AK8: variants seen among roughly 807,000 people sequenced by gnomAD.
AK8 encodes the protein ATP-AMP transphosphorylase 8.
In AK8, 44 loss-of-function variants were observed where a neutral mutation model predicts 54.6. The ratio of observed to expected loss-of-function variants is 0.81; its 90% confidence interval spans 0.63 to 1.04. The LOEUF (loss-of-function observed/expected upper bound fraction) is 1.04. AK8 is among the 50% of genes least tolerant of loss of function. AK8 has a pLI of 0.00. For synonymous variants in AK8, 239 were observed against 245.6 expected, an observed-to-expected ratio of 0.97 and a Z score of 0.25; for missense variants, 555 against 613.6, an observed-to-expected ratio of 0.90 and a Z score of 1.01.
intron 11 of AK8, among the ~76,000 whole-genome samples, chr9:132,738,546 T>C (rs931286965): frequency 5.3e-5 from 8 of 152,112 alleles, no homozygotes; most frequent in Admixed American, 1.3e-4. Flanking sequence ...ATGCAAATAA[T>C]ACTTTGTTCA....
intron 11 of AK8, among the ~76,000 whole-genome samples, chr9:132,730,092 G>A (rs1284695123): frequency 6.6e-6 from 1 of 152,150 alleles, no homozygotes; most frequent in African/African-American, 2.4e-5. Context: ...ACTAAATATG[G>A]TTTCAGGAGG....
chr9:132,828,763 G>A (rs1841984938), intron 5 of AK8, 37 bp from the exon 6 acceptor site: 1 of 1,517,732 alleles, frequency 6.6e-7, no homozygotes, highest in Non-Finnish European at 9.0e-7. Flanking sequence ...CATCTGTTTT[G>A]AGTTTTAGAT....
intron 11 of AK8, among the ~76,000 whole-genome samples, chr9:132,741,079 G>T (rs1019747483): frequency 1.3e-5 from 2 of 152,100 alleles, no homozygotes; most frequent in African/African-American, 4.8e-5. Context: ...TTTCCTGGGG[G>T]CACCCTGGGC....
rs1843342749 is a variant in AK8 at position 132,860,484 on chromosome 9, A to C, written c.333+3181T>G. ...GCGGACTCGAACGCAGGTAGAGGACAGGGAGAGTTCTAGAGGAAAAGGGAA... is the reference window on the plus strand; with the variant it reads ...GCGGACTCGAACGCAGGTAGAGGACCGGGAGAGTTCTAGAGGAAAAGGGAA... On this transcript the variant is annotated intron_variant, in intron 4 of 12. Transcript: ENST00000298545. The surrounding 1 kb of genome is among the most constrained non-coding windows in gnomAD (Gnocchi z 4.4). Among the ~76,000 whole-genome samples, 1 of 152,196 alleles carries C rather than the reference A, an allele frequency of 6.6e-6. No homozygotes were observed. The highest frequency in any genetic ancestry group is 1.5e-5 in the Non-Finnish European group (1 of 68,026).
rs1840003915 is a variant in AK8, at chr9:132,792,809, G to A, written c.980-34C>T. 4 of 1,542,394 alleles carry A rather than the reference G, an allele frequency of 2.6e-6. No homozygotes were observed. The South Asian group carries it at 4.8e-5, about 19-fold the overall frequency. On this transcript the variant is annotated intron_variant, in intron 10 of 12. Coordinates refer to ENST00000298545, the MANE Select transcript of AK8 (RefSeq NM_152572.3). ...AAGGGGGGCAAGTGAGTACCCTGCT[G>A]GCCGGCAGCCCATGGGTCCTGGGCT... is the stretch of plus-strand genomic sequence containing the variant.
Position 132,725,746 on chromosome 9 carries a change from G to GTGTA in AK8, c.1378_1381dup (p.Thr461IlefsTer13), listed in dbSNP as rs779703089. 1 of 1,593,608 alleles carries GTGTA rather than the reference G, an allele frequency of 6.3e-7. No individual in the cohort carries two copies. The highest frequency in any genetic ancestry group is 8.5e-7 in the Non-Finnish European group (1 of 1,170,234). On this transcript the variant is annotated frameshift_variant, in exon 13 of 13. Coordinates refer to ENST00000298545, the MANE Select transcript of AK8 (RefSeq NM_152572.3). LOFTEE classifies it high-confidence loss of function. ...CCCACTCTCGATGTATTCGAAGACTGTGTATGGGTCCTGGTCCCCATTGAG... is the reference window on the plus strand; with the variant it reads ...CCCACTCTCGATGTATTCGAAGACTGTGTATGTATGGGTCCTGGTCCCCATTGAG...
At chr9:132,778,579 C>CT (rs1381240471) in intron 11 of AK8, among the ~76,000 whole-genome samples, 1 of 152,098 alleles carries the variant, frequency 6.6e-6, no homozygotes, top group African/African-American at 2.4e-5. Flanking sequence ...TTACAGCATC[C>CT]TTCTCACTTT....
chr9:132,750,671 C>T (rs879315287), intron 11 of AK8, among the ~76,000 whole-genome samples: 5 of 151,982 alleles, frequency 3.3e-5, no homozygotes, highest in Admixed American at 2.0e-4. Flanking sequence ...AGGACTCCAT[C>T]CGGTGAATCC....
intron 11 of AK8, among the ~76,000 whole-genome samples, chr9:132,773,203 C>T (rs941145087): frequency 6.6e-6 from 1 of 152,172 alleles, no homozygotes; most frequent in Non-Finnish European, 1.5e-5. Context: ...TAACTCAGGG[C>T]CTTTGCACTG....
chr9:132,772,667 C>G (rs1274582020), intron 11 of AK8, among the ~76,000 whole-genome samples: 2 of 152,192 alleles, frequency 1.3e-5, no homozygotes, highest in Non-Finnish European at 2.9e-5. Context: ...GCTTATCATG[C>G]CCAAAACTGA....
At chr9:132,755,854 G>A (rs780497867) in intron 11 of AK8, among the ~76,000 whole-genome samples, 2 of 151,046 alleles carry the variant, frequency 1.3e-5, no homozygotes, top group African/African-American at 2.4e-5. Flanking sequence ...TGCAACCTTC[G>A]CCCTCTGGGT....
intron 5 of AK8, among the ~76,000 whole-genome samples, chr9:132,842,583 G>A (rs1187759239): frequency 6.6e-6 from 1 of 152,174 alleles, no homozygotes; most frequent in Non-Finnish European, 1.5e-5. Context: ...TAAGGGGTGG[G>A]GTTAAGAGCA....
chr9:132,835,677 A>C (rs1372726804), intron 5 of AK8, among the ~76,000 whole-genome samples: 2 of 152,196 alleles, frequency 1.3e-5, no homozygotes, highest in East Asian at 3.9e-4. Flanking sequence ...CGGTTGATGA[A>C]ATAATTAAAT....
intron 11 of AK8, among the ~76,000 whole-genome samples, chr9:132,753,825 T>A (rs1204271887): frequency 6.6e-6 from 1 of 152,238 alleles, no homozygotes; most frequent in Non-Finnish European, 1.5e-5. Context: ...CAATGGGGAC[T>A]GCAGGGAGCA....
intron 4 of AK8, among the ~76,000 whole-genome samples, chr9:132,858,840 C>T (rs117205102): frequency 0.03 from 4,517 of 152,210 alleles, 130 homozygotes; most frequent in Middle Eastern, 0.048. Context: ...AGAGAGCAGA[C>T]CTCATAGCGT....
chr9:132,761,069 CTT>C (rs1275536253), intron 11 of AK8, among the ~76,000 whole-genome samples: 1 of 151,960 alleles, frequency 6.6e-6, no homozygotes, highest in Non-Finnish European at 1.5e-5. Context: ...TGTGTTCCCT[CTT>C]TTTCTTTTTC....
intron 11 of AK8, among the ~76,000 whole-genome samples, chr9:132,765,292 CAAAAAA>C (rs61495439): frequency 4.9e-4 from 31 of 62,812 alleles, no homozygotes; most frequent in East Asian, 3.0e-3. Context: ...GACTCCATTT[CAAAAAA>C]AAAAAAAAAA....
intron 2 of AK8, among the ~76,000 whole-genome samples, chr9:132,867,454 T>C (rs1280184383): frequency 6.6e-6 from 1 of 152,258 alleles, no homozygotes; most frequent in Non-Finnish European, 1.5e-5. Context: ...AAAGTCTGTT[T>C]TCAAAGATGG....
Position 132,792,789 on chromosome 9 carries a change from G to A in AK8, c.980-14C>T, listed in dbSNP as rs986819017. 1.3e-6 allele frequency: 2 copies of A among 1,554,806 alleles called. No homozygotes were observed. Among genetic ancestry groups the A allele is most frequent in the Admixed American group, 3.9e-5 (2 of 51,800 alleles). On this transcript the variant is annotated splice_polypyrimidine_tract_variant and intron_variant, in intron 10 of 12. Coordinates refer to ENST00000298545, the MANE Select transcript of AK8 (RefSeq NM_152572.3). Reference sequence around the variant, plus strand: ...GGCTGTCAGGAACTGCAGAGAAGGGGGGCAAGTGAGTACCCTGCTGGCCGG... The same window carrying A: ...GGCTGTCAGGAACTGCAGAGAAGGGAGGCAAGTGAGTACCCTGCTGGCCGG...
Sources: gnomAD v4.1 joint callset for allele counts (sites outside exome capture counted in the v4.1 genomes callset) on GRCh38, gnomAD v4.1.1 for gene constraint, Gnocchi (gnomAD v3.1) non-coding constraint, MANE v1.5 for transcripts, NCBI Gene and HGNC (gene_info 2026-07-23, HGNC 2026-07-21) for gene names.